Variants in PRKACB observed in about 807,000 individuals in gnomAD.
The protein encoded by PRKACB is cAMP-dependent protein kinase catalytic subunit beta.
A neutral mutation model predicts 51.4 loss-of-function variants in PRKACB; 16 were observed. That is an observed-to-expected ratio of 0.31 (90% CI 0.21 to 0.47). PRKACB has a LOEUF of 0.47. Among genes scored for constraint, PRKACB ranks in the 20% least tolerant of loss-of-function variants. The probability of loss-of-function intolerance (pLI) is 1.00; values close to 1 mark genes in which losing one functional copy is unlikely to be tolerated. For missense variants in PRKACB, 309 were observed against 464.5 expected (o/e 0.67, Z 3.08); for synonymous variants, 147 against 154.4 (o/e 0.95, Z 0.35).
intron 1 of PRKACB, among the ~76,000 whole-genome samples, chr1:84,102,419 A>T (rs1649421549): frequency 6.6e-6 from 1 of 151,968 alleles, no homozygotes; most frequent in Non-Finnish European, 1.5e-5. Flanking sequence ...AAAAATGCAA[A>T]AAGAGAATCT....
intron 1 of PRKACB, among the ~76,000 whole-genome samples, chr1:84,169,828 G>T (rs958290012): frequency 2.6e-5 from 4 of 151,522 alleles, no homozygotes; most frequent in Non-Finnish European, 5.9e-5. Context: ...GTGAGCATTT[G>T]GAATTTCCAG....
chr1:84,167,921 G>T (rs531218361), intron 1 of PRKACB, among the ~76,000 whole-genome samples: 1 of 151,558 alleles, frequency 6.6e-6, no homozygotes, highest in Non-Finnish European at 1.5e-5. Context: ...TAAAAAATTG[G>T]TTATATGTGA....
chr1:84,112,600 A>C (rs1401143954), intron 1 of PRKACB, among the ~76,000 whole-genome samples: 1 of 152,146 alleles, frequency 6.6e-6, no homozygotes, highest in Non-Finnish European at 1.5e-5. Context: ...CAGTCTTCTC[A>C]TCCATTCCAT....
intron 1 of PRKACB, among the ~76,000 whole-genome samples, chr1:84,127,141 C>CT (rs1651689529): frequency 2.0e-5 from 3 of 152,262 alleles, no homozygotes; most frequent in Admixed American, 2.0e-4. Context: ...GTCTTGACAG[C>CT]TGTGTATGTT....
intron 8 of PRKACB, among the ~76,000 whole-genome samples, chr1:84,212,962 A>G (rs1672348218): frequency 6.6e-6 from 1 of 152,186 alleles, no homozygotes; most frequent in Admixed American, 6.5e-5. Flanking sequence ...AATGTATTAT[A>G]AAGAGCAACT....
At position 84,235,567 on chromosome 1, in the gene PRKACB, A is replaced by G. The variant is rs924797874; in HGVS notation, c.*262A>G. ...CTTTGGGTTGTCTTTCTCCTCTCCT[A>G]TATCCATTTCTTCCTTTTCCAATTT... On this transcript the variant is annotated 3_prime_UTR_variant, in exon 10 of 10. Coordinates refer to ENST00000370685, the MANE Select transcript of PRKACB (RefSeq NM_182948.4). The G allele has an allele frequency of 6.8e-5, 26 of 381,592 alleles. No homozygotes were observed. The highest frequency in any genetic ancestry group is 5.4e-4 in the South Asian group (13 of 23,984). The allele number at this position is 381,592 out of a possible 1,614,324, so 23.6% of individuals were successfully genotyped here. A position where few individuals can be genotyped will look rare whatever the true frequency, so the allele number is the denominator to read the frequency against.
chr1:84,103,043 G>T (rs1221809699), intron 1 of PRKACB, among the ~76,000 whole-genome samples: 1 of 152,126 alleles, frequency 6.6e-6, no homozygotes, highest in Non-Finnish European at 1.5e-5. Context: ...CAGGAAACTG[G>T]ATCTGAGAGG....
At chr1:84,123,259 A>G (rs1182225471) in intron 1 of PRKACB, among the ~76,000 whole-genome samples, 2 of 152,208 alleles carry the variant, frequency 1.3e-5, no homozygotes, top group Non-Finnish European at 1.5e-5. Context: ...TTTCTGCAAT[A>G]CTAAAGTTTC....
At chr1:84,120,003 C>T (rs1049841886) in intron 1 of PRKACB, among the ~76,000 whole-genome samples, 1 of 152,070 alleles carries the variant, frequency 6.6e-6, no homozygotes, top group Non-Finnish European at 1.5e-5. Context: ...TATAACACAA[C>T]TTTATGTCTC....
At position 84,235,059 on chromosome 1, in the gene PRKACB, C is replaced by T. The variant is rs1572628187; in HGVS notation, c.1072-121C>T. The T allele has an allele frequency of 2.9e-6, 3 of 1,044,056 alleles. No homozygotes were observed. The African/African-American group carries it at 4.8e-5, about 17-fold the overall frequency. The allele number at this position is 1,044,056 out of a possible 1,614,324, so 64.7% of individuals were successfully genotyped here. ...TTCTAGCACTATTATATTTTAGGAA[C>T]CTAATGGCATCTAAGGATTTCACCG... On this transcript the variant is annotated intron_variant, in intron 9 of 9. Transcript: ENST00000370685.
At chr1:84,176,712 A>G (rs936582274) in intron 1 of PRKACB, among the ~76,000 whole-genome samples, 12 of 151,860 alleles carry the variant, frequency 7.9e-5, no homozygotes, top group African/African-American at 2.7e-4. Flanking sequence ...TATATTTTGA[A>G]GTAATTCACA....
At chr1:84,150,603 T>G (rs1202399587) in intron 1 of PRKACB, among the ~76,000 whole-genome samples, 1 of 152,116 alleles carries the variant, frequency 6.6e-6, no homozygotes, top group Admixed American at 6.5e-5. Flanking sequence ...AACTGGTTGT[T>G]TTTTTAAAAC....
intron 1 of PRKACB, among the ~76,000 whole-genome samples, chr1:84,146,747 G>A (rs191782985): frequency 1.3e-5 from 2 of 152,004 alleles, no homozygotes; most frequent in African/African-American, 4.8e-5. Context: ...TACCAATTTA[G>A]GAGACATGAA....
chr1:84,092,002 G>A (rs1291104645), intron 1 of PRKACB, among the ~76,000 whole-genome samples: 1 of 152,130 alleles, frequency 6.6e-6, no homozygotes, highest in Non-Finnish European at 1.5e-5. Context: ...TTTTTGTTAT[G>A]ATTGGTTTTT....
chr1:84,138,935 A>T (rs1367480424), intron 1 of PRKACB, among the ~76,000 whole-genome samples: 1 of 152,154 alleles, frequency 6.6e-6, no homozygotes, highest in Non-Finnish European at 1.5e-5. Context: ...TAAAAACCAC[A>T]TGATTTTATC....
At chr1:84,142,521 A>G (rs1327217694), upstream of PRKACB, among the ~76,000 whole-genome samples, 1 of 152,216 alleles carries the variant, frequency 6.6e-6, no homozygotes, top group Non-Finnish European at 1.5e-5. Flanking sequence ...ATGCACACAT[A>G]ATATTTATAC....
intron 1 of PRKACB, among the ~76,000 whole-genome samples, chr1:84,092,144 T>C (rs926132920): frequency 2.6e-5 from 4 of 152,344 alleles, no homozygotes; most frequent in South Asian, 2.1e-4. Flanking sequence ...ATTTATAGGC[T>C]AATGAATTTG....
chr1:84,194,750 C>T (rs1430241915), intron 5 of PRKACB, among the ~76,000 whole-genome samples: 1 of 151,814 alleles, frequency 6.6e-6, no homozygotes, highest in Non-Finnish European at 1.5e-5. Flanking sequence ...ACATGGCAAA[C>T]CAAACCCTCC....
At chr1:84,226,437 C>A (rs1674620403) in intron 9 of PRKACB, among the ~76,000 whole-genome samples, 1 of 151,964 alleles carries the variant, frequency 6.6e-6, no homozygotes, top group Non-Finnish European at 1.5e-5. Flanking sequence ...AGAGAACCCC[C>A]CTTCCTCCAT....
Sources: gnomAD v4.1 joint callset for allele counts (sites outside exome capture counted in the v4.1 genomes callset) on GRCh38, gnomAD v4.1.1 for gene constraint, MANE v1.5 for transcripts, NCBI Gene and HGNC (gene_info 2026-07-23, HGNC 2026-07-21) for gene names.